Variants in CDYL observed in about 807,000 individuals in gnomAD.
CDYL encodes the protein chromodomain Y-like protein.
CDYL carries 8 observed loss-of-function variants against 47.3 expected under a neutral mutation model. That is an observed-to-expected ratio of 0.17 (90% CI 0.10 to 0.31). The LOEUF is 0.31. Among genes scored for constraint, CDYL ranks in the 10% least tolerant of loss-of-function variants. The pLI is 1.00. For missense variants in CDYL, 471 were observed against 701.4 expected (o/e 0.67, Z 3.71); for synonymous variants, 266 against 265.0 (o/e 1.00, Z -0.04).
chr6:4,898,201 C>T (rs947151), intron 2 of CDYL, among the ~76,000 whole-genome samples: 126,695 of 151,704 alleles, frequency 0.84, 56,696 homozygotes, highest in Non-Finnish European at 0.99. Context: ...CAGCCTATTC[C>T]ACAGAGCAAG....
chr6:4,739,091 G>T (rs1757752099), intron 3 of CDYL, among the ~76,000 whole-genome samples: 1 of 151,994 alleles, frequency 6.6e-6, no homozygotes. Context: ...AACCTGGGAG[G>T]CGGAGGTTGC....
intron 2 of CDYL, among the ~76,000 whole-genome samples, chr6:4,726,857 AC>A (rs1757524016): frequency 6.6e-6 from 1 of 152,142 alleles, no homozygotes; most frequent in African/African-American, 2.4e-5. Flanking sequence ...TTTTTGGAAA[AC>A]AAGTTAGTCT....
At chr6:4,752,750 C>A (rs1467525213) in intron 3 of CDYL, among the ~76,000 whole-genome samples, 6 of 152,096 alleles carry the variant, frequency 3.9e-5, no homozygotes, top group Non-Finnish European at 7.4e-5. Context: ...CTTACAGACC[C>A]TGCCTCATCA....
At chr6:4,902,838 CTAGAACAGTCTGAAAAAATAAAATCG>C (rs1243338068) in intron 2 of CDYL, among the ~76,000 whole-genome samples, 1 of 152,104 alleles carries the variant, frequency 6.6e-6, no homozygotes, top group Non-Finnish European at 1.5e-5. Flanking sequence ...AGCCGATTCC[CTAGAACAGTCTGAAAAAATAAAATCG>C]GATGTTTTTA....
At chr6:4,883,801 G>A (rs538333174) in intron 1 of CDYL, among the ~76,000 whole-genome samples, 95 of 152,268 alleles carry the variant, frequency 6.2e-4, no homozygotes, top group African/African-American at 2.1e-3. Context: ...TGAAGGGCAG[G>A]TATTATCTCC....
intron 1 of CDYL, among the ~76,000 whole-genome samples, chr6:4,841,022 C>G (rs1202281138): frequency 6.6e-6 from 1 of 152,108 alleles, no homozygotes; most frequent in Admixed American, 6.6e-5. Flanking sequence ...TAAAATTCAG[C>G]TGTGAATCCA....
intron 2 of CDYL, among the ~76,000 whole-genome samples, chr6:4,719,302 C>G (rs1160218839): frequency 6.6e-6 from 1 of 152,158 alleles, no homozygotes; most frequent in Non-Finnish European, 1.5e-5. Flanking sequence ...CTGGGTGTCT[C>G]TCCTTACTAT....
At chr6:4,740,626 C>A (rs1757780870) in intron 3 of CDYL, among the ~76,000 whole-genome samples, 1 of 151,998 alleles carries the variant, frequency 6.6e-6, no homozygotes, top group African/African-American at 2.4e-5. Flanking sequence ...ACAAGTGAAG[C>A]CACATCTTCT....
At chr6:4,743,032 C>T (rs969264075) in intron 3 of CDYL, among the ~76,000 whole-genome samples, 1 of 152,208 alleles carries the variant, frequency 6.6e-6, no homozygotes, top group Non-Finnish European at 1.5e-5. Context: ...ACACTGCGTC[C>T]AGAAACACTT....
intron 1 of CDYL, among the ~76,000 whole-genome samples, chr6:4,809,342 A>G (rs980246469): frequency 6.6e-6 from 1 of 152,200 alleles, no homozygotes; most frequent in Admixed American, 6.5e-5. Context: ...TCTCCTATGT[A>G]TGGCATTTAG....
intron 1 of CDYL, among the ~76,000 whole-genome samples, chr6:4,819,913 A>T (rs1403482733): frequency 1.3e-5 from 2 of 152,198 alleles, no homozygotes; most frequent in African/African-American, 4.8e-5. Flanking sequence ...GAAGTCAAGA[A>T]ACCCTGTGTT....
At chr6:4,843,726 A>G (rs1040618106) in intron 1 of CDYL, among the ~76,000 whole-genome samples, 4 of 151,630 alleles carry the variant, frequency 2.6e-5, no homozygotes, top group African/African-American at 4.8e-5. Context: ...TCTCCTTCCT[A>G]TCTTGTATCA....
intron 3 of CDYL, among the ~76,000 whole-genome samples, chr6:4,746,933 A>G (rs1283439164): frequency 6.6e-6 from 1 of 152,080 alleles, no homozygotes; most frequent in Non-Finnish European, 1.5e-5. Context: ...GCGTTACCCC[A>G]ATCCCCATCC....
intron 3 of CDYL, among the ~76,000 whole-genome samples, chr6:4,758,351 A>AATAAATATAT (rs1554134097): frequency 1.5e-5 from 2 of 129,080 alleles, no homozygotes; most frequent in African/African-American, 6.1e-5. Flanking sequence ...AAAATAAATA[A>AATAAATATAT]ATATATATAT....
intron 2 of CDYL, among the ~76,000 whole-genome samples, chr6:4,900,794 T>G (rs1315113324): frequency 4.0e-4 from 24 of 60,344 alleles, no homozygotes; most frequent in African/African-American, 1.7e-3. Context: ...TATATATATA[T>G]ATATATATAT....
At chr6:4,906,090 C>G (rs745841809) in intron 2 of CDYL, among the ~76,000 whole-genome samples, 4 of 152,324 alleles carry the variant, frequency 2.6e-5, no homozygotes, top group Non-Finnish European at 4.4e-5. Context: ...TACTACACTG[C>G]TAATGGTGAG....
At chr6:4,827,573 C>T (rs1760014329) in intron 1 of CDYL, among the ~76,000 whole-genome samples, 1 of 152,220 alleles carries the variant, frequency 6.6e-6, no homozygotes, top group Non-Finnish European at 1.5e-5. Flanking sequence ...GCTCCATCTG[C>T]TCCCTTTATG....
chr6:4,818,310 T>C (rs1759730330), intron 1 of CDYL, among the ~76,000 whole-genome samples: 1 of 147,972 alleles, frequency 6.8e-6, no homozygotes, highest in Admixed American at 6.7e-5. Context: ...AGAAAAGGAG[T>C]GTGGGCAATA....
chr6:4,897,690 G>A (rs542477233), intron 2 of CDYL, among the ~76,000 whole-genome samples: 26 of 152,236 alleles, frequency 1.7e-4, no homozygotes, highest in African/African-American at 5.3e-4. Flanking sequence ...GCTGAAGCTG[G>A]AGGATAGCTT....
Sources: allele counts gnomAD v4.1 joint callset (sites outside exome capture counted in the v4.1 genomes callset), GRCh38; gene constraint gnomAD v4.1.1; transcripts MANE v1.5; gene names NCBI Gene and HGNC (gene_info 2026-07-23, HGNC 2026-07-21).